The following CLUH variants were observed in gnomAD, a reference collection of about 807,000 sequenced individuals.
CLUH encodes the protein clustered mitochondria protein homolog.
Under a neutral mutation model 139.3 loss-of-function variants are expected in CLUH, and 77 were observed. That is an observed-to-expected ratio of 0.55 (90% CI 0.46 to 0.67). CLUH has a LOEUF of 0.67. Among genes scored for constraint, CLUH ranks in the 30% least tolerant of loss-of-function variants. The pLI is 0.00. For synonymous variants in CLUH, 999 were observed against 801.6 expected (o/e 1.25, Z -4.16); for missense variants, 1,876 against 1,875.8 (o/e 1.00, Z 0.00).
Position 2,690,631 on chromosome 17 carries a change from G to C in CLUH, c.4010C>G (p.Pro1337Arg). The change falls in exon 26 of 26, where the codon CCG (proline) becomes CGG (arginine). Residue 1337 changes from proline to arginine, a missense_variant. Transcript: ENST00000651024. ...GAPGDLGSQP[P>R]AAKDPSPSVQ... ...GCTCGGAGAAGGGTCCTTGGCAGCCGGGGGCTGGGAGCCCAGGTCTCCTGG... is the reference window on the plus strand; with the variant it reads ...GCTCGGAGAAGGGTCCTTGGCAGCCCGGGGCTGGGAGCCCAGGTCTCCTGG... The C allele has an allele frequency of 1.3e-6, 2 of 1,503,744 alleles. No individual in the cohort carries two copies. Among genetic ancestry groups the C allele is most frequent in the Non-Finnish European group, 1.8e-6 (2 of 1,132,278 alleles). 93.2% of individuals were successfully genotyped at this position (1,503,744 alleles called of 1,614,324 possible).
chr17:2,695,979 G>T lies in CLUH; in HGVS notation c.2391+180C>A, dbSNP rs2069924916. 2.3e-5 allele frequency: 14 copies of T among 611,998 alleles called. 1 individual carries two copies. In the South Asian group the frequency reaches 2.7e-4, roughly 12 times the overall value. 37.9% of individuals were successfully genotyped at this position (611,998 alleles called of 1,614,324 possible). ...CCAGCCCACACGGTGGGCTCAGCAG[G>T]GCCTGTGCCCTTGACCTCTGGGGGT... On this transcript the variant is annotated intron_variant, in intron 13 of 25. Transcript: ENST00000651024.
chr17:2,691,979 C>CCCCGCCCCG lies in CLUH; in HGVS notation c.3654+24_3654+25insCGGGGCGGG, dbSNP rs774888368. 3.8e-3 allele frequency: 2,661 copies of CCCCGCCCCG among 709,554 alleles called. 40 individuals carry two copies. Among genetic ancestry groups the CCCCGCCCCG allele is most frequent in the East Asian group, 0.013 (141 of 11,276 alleles). The allele number at this position is 709,554 out of a possible 1,614,324, so 44.0% of individuals were successfully genotyped here. ...CCGCCACGCCCCCGCCCCGCCCCCG[C>CCCCGCCCCG]CCCCGCCACGCCCCCGCCGCGCACC... On this transcript the variant is annotated intron_variant, in intron 23 of 25. Coordinates refer to ENST00000651024, the MANE Select transcript of CLUH (RefSeq NM_001366661.1).
chr17:2,690,837 C>T, intron 25 of CLUH, 60 bp from the exon 26 acceptor site: 9 of 1,331,850 alleles, frequency 6.8e-6, no homozygotes, highest in Non-Finnish European at 8.9e-6. Flanking sequence ...CTCCACCCGC[C>T]TCCCGGCTTT....
Position 2,701,876 on chromosome 17 carries a change from C to T in CLUH, c.619+38G>A, listed in dbSNP as rs763825746. ...CAGCCCCCCACCTCCGTGCTCCCCG[C>T]CCTTTGGCCCAATCCCCGGCCCCAG... On this transcript the variant is annotated intron_variant, in intron 4 of 25. Transcript: ENST00000651024. 3.1e-6 allele frequency: 5 copies of T among 1,611,714 alleles called. No homozygotes were observed. In the South Asian group the frequency reaches 3.3e-5, roughly 11 times the overall value.
In CLUH at chr17:2,698,462, G is replaced by A. The variant is rs199595738; in HGVS notation, c.1395C>T (p.Ser465=). 6.2e-6 allele frequency: 10 copies of A among 1,613,324 alleles called. No homozygotes were observed. In the East Asian group the frequency reaches 1.8e-4, roughly 29 times the overall value. ...AGTGGTCTCGGACGTCGAAGCCCAG[G>A]CTGAAGAAGATGTTGTTCCAGATGA... ...QMFIWNNIFF[S]LGFDVRDHYK... Residue 465 remains serine, a synonymous_variant, in exon 10 of 26, where the codon AGC becomes AGT. Coordinates refer to ENST00000651024, the MANE Select transcript of CLUH (RefSeq NM_001366661.1).
Position 2,711,610 on chromosome 17 carries a change from G to A in CLUH, c.52C>T (p.Arg18Trp), listed in dbSNP as rs2151730183. The A allele has an allele frequency of 3.1e-6, 3 of 982,656 alleles. No homozygotes were observed. The highest frequency in any genetic ancestry group is 3.6e-6 in the Non-Finnish European group (3 of 829,082). The allele number at this position is 982,656 out of a possible 1,614,324, so 60.9% of individuals were successfully genotyped here. A position where few individuals can be genotyped will look rare whatever the true frequency, so the allele number is the denominator to read the frequency against. The change falls in exon 1 of 26, where the codon CGG becomes TGG. Residue 18 changes from arginine (R) to tryptophan (W), a missense_variant. Around this residue, in one of 3 missense-constraint regions of CLUH, gnomAD observed 152 missense variants for 136.7 expected, o/e 1.11. Coordinates refer to ENST00000651024, the MANE Select transcript of CLUH (RefSeq NM_001366661.1). ...LPAAAPADSA[R>W]EHGSQAGGKG... is the part of the protein sequence containing the mutation. ...CCCCCGGCCTGCGAGCCGTGTTCCC[G>A]GGCGCTGTCGGCCGGGGCGGCCGCC... is the stretch of plus-strand genomic sequence containing the variant.
At position 2,691,796 on chromosome 17, in the gene CLUH, G is replaced by A. The variant is rs958755579; in HGVS notation, c.3754C>T (p.Arg1252Cys). The change falls in exon 24 of 26, where the codon CGC becomes TGC. Residue 1252 changes from arginine to cysteine, a missense_variant. By Grantham distance (180) the Arg-to-Cys change is radical (BLOSUM62 -3). Transcript: ENST00000651024. The stretch of plus-strand genomic sequence containing the variant: ...GGGATGTTGGCGCTGGAGCCGTTGC[G>A]GTAGATCTCGTTCATGGTGCGCTGC... Reference protein sequence around the residue: ...ALQRTMNEIYRNGSSANIPPL... With the variant: ...ALQRTMNEIYCNGSSANIPPL... 1.0e-5 allele frequency: 16 copies of A among 1,587,304 alleles called. No homozygotes were observed. Among genetic ancestry groups the A allele is most frequent in the Admixed American group, 3.6e-5 (2 of 55,946 alleles).
Position 2,690,658 on chromosome 17 carries a change from G to A in CLUH, c.3983C>T (p.Ala1328Val). The change falls in exon 26 of 26, where the codon GCC becomes GTC. Residue 1328 changes from alanine (A) to valine (V), a missense_variant. Ala to Val is a moderately conservative substitution (Grantham distance 64, BLOSUM62 0). This residue lies in a region of CLUH where 1,454 missense variants were observed against 1,384.4 expected (regional missense o/e 1.05). Transcript: ENST00000651024. ...PMATEPAPAG[A>V]PGDLGSQPPA... ...GGGCTGGGAGCCCAGGTCTCCTGGG[G>A]CCCCCGCTGGCGCGGGCTCGGTAGC... 1 of 1,540,790 alleles carries A rather than the reference G, an allele frequency of 6.5e-7. No homozygotes were observed.
intron 1 of CLUH, among the ~76,000 whole-genome samples, chr17:2,705,046 C>A (rs989769722): frequency 2.6e-5 from 4 of 151,994 alleles, no homozygotes; most frequent in Admixed American, 6.6e-5. Flanking sequence ...TGTTTCTGAC[C>A]CCACCCCCTC....
rs751501308 is a variant in CLUH, at chr17:2,701,724, C to T, written c.633G>A (p.Arg211=). 5 of 1,566,908 alleles carry T rather than the reference C, an allele frequency of 3.2e-6. No homozygotes were observed. Among genetic ancestry groups the T allele is most frequent in the Non-Finnish European group, 4.3e-6 (5 of 1,156,278 alleles). The change falls in exon 5 of 26, where the codon CGG becomes CGA. Residue 211 remains arginine, a synonymous_variant. Coordinates refer to ENST00000651024, the MANE Select transcript of CLUH (RefSeq NM_001366661.1). ...TDGDLGDSGK[R]KKGLEMDPID... ...TGGGGTCCATCTCCAAGCCCTTCTTCCGCTTCCCGCTGTCTGAGGGACCCG... is the reference window on the plus strand; with the variant it reads ...TGGGGTCCATCTCCAAGCCCTTCTTTCGCTTCCCGCTGTCTGAGGGACCCG...
Position 2,698,401 on chromosome 17 carries a change from C to T in CLUH, c.1456G>A (p.Ala486Thr). Reference protein sequence around the residue: ...DFGGDVAAYVAPTNDLNGVRT... With the variant: ...DFGGDVAAYVTPTNDLNGVRT... ...ACGCCATTCAGGTCGTTGGTGGGCG[C>T]CACGTAGGCCGCCACGTCCCCCCCG... Residue 486 changes from alanine to threonine, a missense_variant, in exon 10 of 26, where the codon GCG becomes ACG. Ala to Thr is a moderately conservative substitution (Grantham distance 58). Transcript: ENST00000651024. 1 of 1,613,268 alleles carries T rather than the reference C, an allele frequency of 6.2e-7. No homozygotes were observed. The highest frequency in any genetic ancestry group is 2.2e-5 in the East Asian group (1 of 44,872).
Position 2,695,023 on chromosome 17 carries a change from C to T in CLUH, c.2686G>A (p.Ala896Thr). 6.2e-7 allele frequency: 1 copy of T among 1,613,530 alleles called. No individual in the cohort carries two copies. The highest frequency in any genetic ancestry group is 8.5e-7 in the Non-Finnish European group (1 of 1,179,796). ...ACCAGCTCGTCGGCGGGCAGGTGGG[C>T]CACGGGGTTTGGGTAGGAGCTCAGG... is the stretch of plus-strand genomic sequence containing the variant. ...CFLSSYPNPV[A>T]HLPADELVSK... Residue 896 changes from alanine to threonine, a missense_variant, in exon 16 of 26, where the codon GCC (alanine) becomes ACC (threonine). By Grantham distance (58) the Ala-to-Thr change is moderately conservative. Transcript: ENST00000651024.
At position 2,704,569 on chromosome 17, in the gene CLUH, G is replaced by A. The variant is rs767279702; in HGVS notation, c.101-5C>T. The A allele has an allele frequency of 1.2e-5, 18 of 1,550,342 alleles. No homozygotes were observed. The highest frequency in any genetic ancestry group is 3.9e-5 in the Admixed American group (2 of 51,608). ...AGAGCATGACTGATGGCAGCTCTGCGGGTGACAAGAACGGGTCAGAATCAG... is the reference window on the plus strand; with the variant it reads ...AGAGCATGACTGATGGCAGCTCTGCAGGTGACAAGAACGGGTCAGAATCAG... On this transcript the variant is annotated splice_polypyrimidine_tract_variant and splice_region_variant and intron_variant, in intron 1 of 25. Coordinates refer to ENST00000651024, the MANE Select transcript of CLUH (RefSeq NM_001366661.1). This position sits in a 1 kb window ranked among gnomAD's most constrained non-coding sequence, Gnocchi z 5.7.
chr17:2,696,197 C>A lies in CLUH; in HGVS notation c.2353G>T (p.Ala785Ser), dbSNP rs550325305. The change falls in exon 13 of 26, where the codon GCG becomes TCG. Residue 785 changes from alanine to serine, a missense_variant. Around this residue, in one of 3 missense-constraint regions of CLUH, gnomAD observed 1,454 missense variants for 1,384.4 expected, o/e 1.05. Transcript: ENST00000651024. ...TGGCAGGAGAGCAGGAAGGCAGCCGCGTCCTTCAGCAGCTGCTTCTGGTCC... is the reference window on the plus strand; with the variant it reads ...TGGCAGGAGAGCAGGAAGGCAGCCGAGTCCTTCAGCAGCTGCTTCTGGTCC... ...VRDQKQLLKD[A>S]AAFLLSCQIP... 3.8e-6 allele frequency: 6 copies of A among 1,573,316 alleles called. No homozygotes were observed. The South Asian group carries it at 4.7e-5, about 12-fold the overall frequency.
Position 2,691,945 on chromosome 17 carries a change from GCCCC to G in CLUH, c.3655-54_3655-51del, listed in dbSNP as rs748010980. 15 of 1,172,310 alleles carry G rather than the reference GCCCC, an allele frequency of 1.3e-5. 1 individual carries two copies. The South Asian group carries it at 1.6e-4, about 12-fold the overall frequency. 72.6% of individuals were successfully genotyped at this position (1,172,310 alleles called of 1,614,324 possible). On this transcript the variant is annotated intron_variant, in intron 23 of 25. Coordinates refer to ENST00000651024, the MANE Select transcript of CLUH (RefSeq NM_001366661.1). ...GGCCCCCCCGTGCCCCCGCGGCCCC[GCCCC>G]CGCCCCGCCACGCCCCCGCCCCGCC... is the stretch of plus-strand genomic sequence containing the variant.
chr17:2,695,902 C>G, intron 13 of CLUH: 1 of 584,368 alleles, frequency 1.7e-6, no homozygotes, highest in South Asian at 2.1e-5. Flanking sequence ...GCTCTGGCCC[C>G]GTCCCCCAGC....
At chr17:2,705,453 C>A (rs549194848) in intron 1 of CLUH, among the ~76,000 whole-genome samples, 278 of 152,272 alleles carry the variant, frequency 1.8e-3, no homozygotes, top group Non-Finnish European at 2.8e-3. Flanking sequence ...GGACACCACA[C>A]CATGCAAGCC....
chr17:2,701,524 C>A lies in CLUH; in HGVS notation c.745-4G>T, dbSNP rs766770707. ...GTACTTTCAGGCACTGCAAGGGCTT[C>A]GGGAGCGGCCGAGTCTGAGGGGCCA... On this transcript the variant is annotated splice_polypyrimidine_tract_variant and splice_region_variant and intron_variant, in intron 5 of 25. Coordinates refer to ENST00000651024, the MANE Select transcript of CLUH (RefSeq NM_001366661.1). The A allele has an allele frequency of 5.0e-6, 8 of 1,613,590 alleles. No homozygotes were observed. Among genetic ancestry groups the A allele is most frequent in the South Asian group, 1.1e-5 (1 of 91,050 alleles).
chr17:2,694,429 GCAGCGGGGACA>G (rs58962366), intron 17 of CLUH, 40 bp downstream of exon 17: 1,088,305 of 1,467,858 alleles, frequency 0.74, 406,743 homozygotes, highest in South Asian at 0.89. Flanking sequence ...CAGCAGGGAC[GCAGCGGGGACA>G]CAGCGGGGAC....
Sources: gnomAD v4.1 joint callset for allele counts (sites outside exome capture counted in the v4.1 genomes callset) on GRCh38, gnomAD v4.1.1 for gene constraint, gnomAD v4.1.1 regional missense constraint, Gnocchi (gnomAD v3.1) non-coding constraint, MANE v1.5 for transcripts, NCBI Gene and HGNC (gene_info 2026-07-23, HGNC 2026-07-21) for gene names.